The following HSD17B12 variants were observed in gnomAD, a reference collection of about 807,000 sequenced individuals.
The protein encoded by HSD17B12 is hydroxysteroid 17-beta dehydrogenase 12, also known as very-long-chain 3-oxoacyl-CoA reductase.
HSD17B12 carries 32 observed loss-of-function variants against 39.3 expected under a neutral mutation model. The ratio of observed to expected loss-of-function variants is 0.81; its 90% CI spans 0.61 to 1.09. The LOEUF (loss-of-function observed/expected upper bound fraction) is 1.09, where lower values mean the gene tolerates loss of function less well. HSD17B12 is among the 50% of genes least tolerant of loss of function. The pLI, the probability that HSD17B12 is intolerant of heterozygous loss-of-function variation, is 0.00. For synonymous variants in HSD17B12, 150 were observed against 146.7 expected (o/e 1.02, Z -0.16); for missense variants, 342 against 382.9 (o/e 0.89, Z 0.89).
intron 6 of HSD17B12, among the ~76,000 whole-genome samples, chr11:43,817,968 A>T (rs1376209442): frequency 6.6e-6 from 1 of 152,128 alleles, no homozygotes; most frequent in African/African-American, 2.4e-5. Flanking sequence ...GATTCTACCC[A>T]TCCATGATCA....
At chr11:43,786,170 G>GA (rs1166818302) in intron 3 of HSD17B12, among the ~76,000 whole-genome samples, 3 of 152,168 alleles carry the variant, frequency 2.0e-5, no homozygotes, top group East Asian at 1.9e-4. Context: ...TGGGTTGCGT[G>GA]AAAAAAGGGG....
chr11:43,741,878 C>T (rs1200205204), intron 1 of HSD17B12, among the ~76,000 whole-genome samples: 18 of 149,576 alleles, frequency 1.2e-4, no homozygotes, highest in South Asian at 6.3e-4. Context: ...GGACTACAGG[C>T]GCCTGCCACC....
At chr11:43,748,137 C>T (rs545576394) in intron 1 of HSD17B12, among the ~76,000 whole-genome samples, 1 of 151,908 alleles carries the variant, frequency 6.6e-6, no homozygotes, top group African/African-American at 2.4e-5. Flanking sequence ...TAAAAACAGT[C>T]GGGAGATGAA....
the HSD17B12 span, among the ~76,000 whole-genome samples, chr11:43,640,127 T>TA: frequency 4.3e-4 from 63 of 147,396 alleles, no homozygotes; most frequent in Admixed American, 3.1e-3. Flanking sequence ...ATTGGTCTGT[T>TA]AAAAAAAAAA....
the HSD17B12 span, among the ~76,000 whole-genome samples, chr11:43,580,188 G>A: frequency 7.3e-5 from 11 of 151,122 alleles, no homozygotes; most frequent in Admixed American, 4.6e-4. Flanking sequence ...GAGGAAGAGG[G>A]AGGGAGGAAG....
chr11:43,642,512 A>G, the HSD17B12 span, among the ~76,000 whole-genome samples: 1 of 151,862 alleles, frequency 6.6e-6, no homozygotes, highest in African/African-American at 2.4e-5. Context: ...AGAGAGTTGT[A>G]AGCATGTAAT....
At chr11:43,602,852 C>T in the HSD17B12 span, among the ~76,000 whole-genome samples, 1 of 151,594 alleles carries the variant, frequency 6.6e-6, no homozygotes, top group African/African-American at 2.4e-5. Flanking sequence ...CCTGAGTGTC[C>T]CCCTGTCAAG....
At chr11:43,672,461 T>C in the HSD17B12 span, among the ~76,000 whole-genome samples, 1 of 152,164 alleles carries the variant, frequency 6.6e-6, no homozygotes, top group Non-Finnish European at 1.5e-5. Context: ...GTTGGAAAAA[T>C]GGGGGTGTTA....
At chr11:43,731,021 G>A (rs1040835855) in intron 1 of HSD17B12, among the ~76,000 whole-genome samples, 1 of 151,716 alleles carries the variant, frequency 6.6e-6, no homozygotes, top group Non-Finnish European at 1.5e-5. Flanking sequence ...TTTCGAGACA[G>A]AGTTTCACTC....
the HSD17B12 span, among the ~76,000 whole-genome samples, chr11:43,621,610 G>A: frequency 6.6e-6 from 1 of 152,144 alleles, no homozygotes; most frequent in Non-Finnish European, 1.5e-5. Flanking sequence ...AGCTACTCTG[G>A]AGGCTGAAGT....
At chr11:43,732,511 G>T (rs1016296307) in intron 1 of HSD17B12, among the ~76,000 whole-genome samples, 29 of 151,898 alleles carry the variant, frequency 1.9e-4, no homozygotes, top group African/African-American at 6.8e-4. Context: ...CATCCAGGAT[G>T]AAGTGTTGTG....
the HSD17B12 span, among the ~76,000 whole-genome samples, chr11:43,655,090 G>C: frequency 2.8e-4 from 42 of 152,242 alleles, no homozygotes; most frequent in African/African-American, 9.4e-4. Context: ...CTGAGCAGTG[G>C]TTTGTAGTTC....
intron 1 of HSD17B12, among the ~76,000 whole-genome samples, chr11:43,742,370 G>C (rs1177276450): frequency 7.3e-5 from 11 of 151,488 alleles, no homozygotes. Context: ...TTGAACTCCT[G>C]AGCTCAAGCA....
chr11:43,825,588 C>T (rs1380551916), intron 6 of HSD17B12, among the ~76,000 whole-genome samples: 1 of 152,176 alleles, frequency 6.6e-6, no homozygotes, highest in Non-Finnish European at 1.5e-5. Flanking sequence ...GAGAGTAAAA[C>T]CCTCACCACT....
At chr11:43,636,549 A>G in the HSD17B12 span, among the ~76,000 whole-genome samples, 6 of 152,188 alleles carry the variant, frequency 3.9e-5, no homozygotes, top group Non-Finnish European at 8.8e-5. Flanking sequence ...AAAAAAACCA[A>G]AAAACAGAAA....
At chr11:43,822,716 T>C (rs1653359744) in intron 6 of HSD17B12, among the ~76,000 whole-genome samples, 5 of 152,208 alleles carry the variant, frequency 3.3e-5, no homozygotes, top group Admixed American at 1.3e-4. Flanking sequence ...CACATTTTCT[T>C]AATCCAGTCT....
chr11:43,617,944 A>T, the HSD17B12 span, among the ~76,000 whole-genome samples: 4 of 152,160 alleles, frequency 2.6e-5, no homozygotes, highest in Non-Finnish European at 4.4e-5. Flanking sequence ...TTGATTTGTA[A>T]TATCTAAGGA....
chr11:43,675,990 T>A (rs981188161), upstream of HSD17B12, among the ~76,000 whole-genome samples: 18 of 152,034 alleles, frequency 1.2e-4, no homozygotes, highest in African/African-American at 4.3e-4. Flanking sequence ...CGGGCACCTG[T>A]AACCCCAGCT....
chr11:43,578,066 T>C, the HSD17B12 span, among the ~76,000 whole-genome samples: 1 of 152,124 alleles, frequency 6.6e-6, no homozygotes, highest in Non-Finnish European at 1.5e-5. Context: ...TTCATGCTGA[T>C]TAACTCCAGG....
Sources: allele counts gnomAD v4.1 joint callset (sites outside exome capture counted in the v4.1 genomes callset), GRCh38; gene constraint gnomAD v4.1.1; transcripts MANE v1.5; gene names NCBI Gene and HGNC (gene_info 2026-07-23, HGNC 2026-07-21).